The following PPARGC1B variants were observed in gnomAD, a reference collection of about 807,000 sequenced individuals.
PPARGC1B encodes PPARG coactivator 1 beta.
Under a neutral mutation model 101.6 loss-of-function variants are expected in PPARGC1B, and 34 were observed. That is an observed-to-expected ratio of 0.33 (90% CI 0.25 to 0.45). The LOEUF (loss-of-function observed/expected upper bound fraction) is 0.45. PPARGC1B is among the 20% of genes least tolerant of loss of function. PPARGC1B has a pLI of 1.00. For missense variants in PPARGC1B, 1,234 were observed against 1,317.6 expected (o/e 0.94, Z 0.98); for synonymous variants, 548 against 539.3 (o/e 1.02, Z -0.22).
rs201874416 is a variant in PPARGC1B, at chr5:149,836,440, G to C, written c.1985G>C (p.Ser662Thr). 6.2e-7 allele frequency: 1 copy of C among 1,614,034 alleles called. No individual in the cohort carries two copies. Among genetic ancestry groups the C allele is most frequent in the African/African-American group, 1.3e-5 (1 of 74,940 alleles). The change falls in exon 8 of 12, where the codon AGT becomes ACT. Residue 662 changes from serine (S) to threonine (T), a missense_variant. Physicochemically the swap from Ser to Thr is moderately conservative, Grantham distance 58. This residue lies in a region of PPARGC1B where 497 missense variants were observed against 529.5 expected (regional missense o/e 0.94). Transcript: ENST00000309241. ...HKLPKKHPER[S>T]ELLSHLRHAT... The stretch of plus-strand genomic sequence containing the variant: ...CTGCCAAAGAAGCACCCAGAGCGAA[G>C]TGAGCTCCTGTCCCACCTGCGACAT...
In PPARGC1B at chr5:149,840,075, C is replaced by G; in HGVS notation, c.2653C>G (p.Pro885Ala). The change falls in exon 9 of 12, where the codon CCA becomes GCA. Residue 885 changes from proline (P) to alanine (A), a missense_variant. Coordinates refer to ENST00000309241, the MANE Select transcript of PPARGC1B (RefSeq NM_133263.4). Reference protein sequence around the residue: ...ESRGPCSDRTPSIRHARKRRE... With the variant: ...ESRGPCSDRTASIRHARKRRE... ...CAGAGGGCCGTGTTCAGACAGAACG[C>G]CAAGCATCCGGCACGCCAGGAAGCG... 1.9e-6 allele frequency: 3 copies of G among 1,613,998 alleles called. No homozygotes were observed. Among genetic ancestry groups the G allele is most frequent in the Non-Finnish European group, 8.5e-7 (1 of 1,179,940 alleles).
chr5:149,847,211 C>T, intron 11 of PPARGC1B: 1 of 633,862 alleles, frequency 1.6e-6, no homozygotes, highest in South Asian at 1.7e-5. Flanking sequence ...CTCTGGAGTG[C>T]TCTAGTTTGG....
chr5:149,784,996 G>A (rs911354168), intron 1 of PPARGC1B, among the ~76,000 whole-genome samples: 1 of 152,218 alleles, frequency 6.6e-6, no homozygotes, highest in African/African-American at 2.4e-5. Context: ...CAAGATAGGT[G>A]CCTGGTGCAG....
At chr5:149,736,988 T>C (rs955411221) in intron 1 of PPARGC1B, among the ~76,000 whole-genome samples, 1 of 152,182 alleles carries the variant, frequency 6.6e-6, no homozygotes, top group Non-Finnish European at 1.5e-5. Context: ...TTTGGACAAA[T>C]CTGTAATGAC....
chr5:149,842,117 T>C, intron 9 of PPARGC1B, 139 bp from the exon 10 acceptor site: 1 of 1,092,850 alleles, frequency 9.2e-7, no homozygotes, highest in East Asian at 2.6e-5. Context: ...GGCATTGTCC[T>C]CTCTCTGACT....
Position 149,845,906 on chromosome 5 carries a change from C to CT in PPARGC1B, c.2964dup (p.Asp989Ter). ...CGGCACTTCTGCTGGCCCAGATACA[C>CT]TGACTACGGTAAGCCCCTGAAACCC... On this transcript the variant is annotated frameshift_variant, in exon 11 of 12. Transcript: ENST00000309241. LOFTEE classifies it high-confidence loss of function. 6.2e-7 allele frequency: 1 copy of CT among 1,614,278 alleles called. No individual in the cohort carries two copies. The highest frequency in any genetic ancestry group is 8.5e-7 in the Non-Finnish European group (1 of 1,180,052).
Position 149,845,774 on chromosome 5 carries a change from G to A in PPARGC1B, c.2831G>A (p.Gly944Asp), listed in dbSNP as rs1483027448. 1.2e-6 allele frequency: 2 copies of A among 1,611,312 alleles called. No individual in the cohort carries two copies. The highest frequency in any genetic ancestry group is 1.3e-5 in the African/African-American group (1 of 74,872). The change falls in exon 11 of 12, where the codon GGC becomes GAC. Residue 944 changes from glycine to aspartate, a missense_variant. Around this residue, in one of 3 missense-constraint regions of PPARGC1B, gnomAD observed 497 missense variants for 529.5 expected, o/e 0.94. Transcript: ENST00000309241. Reference protein sequence around the residue: ...LTRNRRGEKYGFITYRCSEHA... With the variant: ...LTRNRRGEKYDFITYRCSEHA... Reference sequence around the variant, plus strand: ...CCTCCCCGCAGAGGCGAGAAGTACGGCTTCATCACCTACCGGTGTTCTGAG... The same window carrying A: ...CCTCCCCGCAGAGGCGAGAAGTACGACTTCATCACCTACCGGTGTTCTGAG...
At chr5:149,815,363 A>G (rs1236843569) in intron 1 of PPARGC1B, among the ~76,000 whole-genome samples, 2 of 152,196 alleles carry the variant, frequency 1.3e-5, no homozygotes, top group East Asian at 1.9e-4. Context: ...ACAGATATGC[A>G]TAGAGGGAAG....
At chr5:149,781,138 G>A (rs184241282) in intron 1 of PPARGC1B, among the ~76,000 whole-genome samples, 125 of 151,634 alleles carry the variant, frequency 8.2e-4, no homozygotes, top group Non-Finnish European at 1.5e-3. Flanking sequence ...CCGGGAGGTG[G>A]AGGTTGCAGT....
chr5:149,838,192 A>C (rs1232817006), intron 8 of PPARGC1B, among the ~76,000 whole-genome samples: 1 of 152,192 alleles, frequency 6.6e-6, no homozygotes, highest in East Asian at 1.9e-4. Flanking sequence ...AGTGTTCTTA[A>C]CTGTTTGAAA....
rs548715386 is a variant in PPARGC1B, at chr5:149,764,353, G to T, written c.78+33933G>T. Reference sequence around the variant, plus strand: ...TCAGCCCGGCGAGCAGTGGCCTCCAGCCCTGCACTGGAGGCTGGGCCCAAA... The same window carrying T: ...TCAGCCCGGCGAGCAGTGGCCTCCATCCCTGCACTGGAGGCTGGGCCCAAA... On this transcript the variant is annotated intron_variant, in intron 1 of 11. Transcript: ENST00000309241. Among the ~76,000 whole-genome samples, 111 of 152,310 alleles carry T rather than the reference G, an allele frequency of 7.3e-4. 1 individual carries two copies. Among genetic ancestry groups the T allele is most frequent in the Non-Finnish European group, 1.3e-3 (91 of 68,022 alleles).
intron 3 of PPARGC1B, among the ~76,000 whole-genome samples, chr5:149,827,982 G>C (rs905732905): frequency 1.3e-5 from 2 of 152,184 alleles, no homozygotes; most frequent in Non-Finnish European, 2.9e-5. Flanking sequence ...TTGGAGCCGG[G>C]AGGGTTCTTA....
chr5:149,835,438 A>G, intron 7 of PPARGC1B, 73 bp downstream of exon 7: 3 of 1,360,088 alleles, frequency 2.2e-6, no homozygotes, highest in East Asian at 2.3e-5. Flanking sequence ...TTCATCATGC[A>G]TGGGCAAGGT....
chr5:149,831,838 A>G (rs576102389), intron 4 of PPARGC1B, among the ~76,000 whole-genome samples: 1 of 152,330 alleles, frequency 6.6e-6, no homozygotes, highest in South Asian at 2.1e-4. Flanking sequence ...TCAGACACCC[A>G]GCCATGGAGC....
intron 1 of PPARGC1B, among the ~76,000 whole-genome samples, chr5:149,770,812 G>T (rs1212051354): frequency 6.6e-6 from 1 of 150,858 alleles, no homozygotes. Flanking sequence ...GGACAACAGA[G>T]CAAGACCCTG....
At position 149,847,675 on chromosome 5, in the gene PPARGC1B, C is replaced by T. The variant is rs1188241785; in HGVS notation, c.*117C>T. On this transcript the variant is annotated 3_prime_UTR_variant, in exon 12 of 12. Coordinates refer to ENST00000309241, the MANE Select transcript of PPARGC1B (RefSeq NM_133263.4). ...GAGCGAGCGAGCGTGAGAGAACACC[C>T]GTGAGAGAGACTTGAAACTGCTGTC... The T allele has an allele frequency of 1.7e-5, 12 of 721,194 alleles. No homozygotes were observed. The highest frequency in any genetic ancestry group is 2.4e-4 in the Middle Eastern group (1 of 4,090). 44.7% of individuals were successfully genotyped at this position (721,194 alleles called of 1,614,324 possible).
At chr5:149,856,802 G>A (rs896263283), downstream of PPARGC1B, among the ~76,000 whole-genome samples, 18 of 137,572 alleles carry the variant, frequency 1.3e-4, no homozygotes, top group Admixed American at 7.8e-4. Context: ...ATGGAGTCTC[G>A]CTCTTGTTGC....
chr5:149,809,913 G>T (rs985003715), intron 1 of PPARGC1B, among the ~76,000 whole-genome samples: 3 of 151,976 alleles, frequency 2.0e-5, no homozygotes, highest in African/African-American at 7.3e-5. Flanking sequence ...CTGGGATGAG[G>T]ATAGAAAGAA....
intron 1 of PPARGC1B, among the ~76,000 whole-genome samples, chr5:149,745,866 G>A (rs1384526412): frequency 6.6e-6 from 1 of 152,188 alleles, no homozygotes; most frequent in African/African-American, 2.4e-5. Context: ...CTCATAGGAG[G>A]TGGGGGGATT....
Sources: gnomAD v4.1 joint callset for allele counts (sites outside exome capture counted in the v4.1 genomes callset) on GRCh38, gnomAD v4.1.1 for gene constraint, gnomAD v4.1.1 regional missense constraint, MANE v1.5 for transcripts, NCBI Gene and HGNC (gene_info 2026-07-23, HGNC 2026-07-21) for gene names.